The following ARMC2 variants were observed in gnomAD, a reference collection of about 807,000 sequenced individuals.
ARMC2 encodes armadillo repeat containing 2.
Under a neutral mutation model 90.3 loss-of-function variants are expected in ARMC2, and 67 were observed. That is an observed-to-expected ratio of 0.74 (90% CI 0.61 to 0.91). The LOEUF (loss-of-function observed/expected upper bound fraction) is 0.91. Among genes scored for constraint, ARMC2 ranks in the 40% least tolerant of loss-of-function variants. The pLI is 0.00. For missense variants in ARMC2, 920 were observed against 1,030.9 expected, an observed-to-expected ratio of 0.89 and a Z score of 1.47; for synonymous variants, 393 against 393.0, an observed-to-expected ratio of 1.00 and a Z score of 0.00.
At chr6:108,932,874 G>T (rs928944643) in intron 11 of ARMC2, among the ~76,000 whole-genome samples, 1 of 152,054 alleles carries the variant, frequency 6.6e-6, no homozygotes, top group Non-Finnish European at 1.5e-5. Context: ...TGTGGTTGTA[G>T]GTATGCAGCC....
At chr6:108,931,158 A>G (rs1484626754) in intron 11 of ARMC2, among the ~76,000 whole-genome samples, 4 of 151,862 alleles carry the variant, frequency 2.6e-5, no homozygotes, top group Non-Finnish European at 5.9e-5. Flanking sequence ...CCCACTTATA[A>G]GTGAGAACAT....
At chr6:108,977,340 G>A (rs1779002607), downstream of ARMC2, among the ~76,000 whole-genome samples, 1 of 152,196 alleles carries the variant, frequency 6.6e-6, no homozygotes, top group African/African-American at 2.4e-5. Context: ...GCATCCCAGA[G>A]GTGAAGCCAA....
chr6:108,869,996 C>G (rs1178180100), intron 4 of ARMC2, among the ~76,000 whole-genome samples: 1 of 152,166 alleles, frequency 6.6e-6, no homozygotes, highest in African/African-American at 2.4e-5. Flanking sequence ...AGAGACTTTA[C>G]TTCGGTCTTC....
At chr6:108,868,781 A>T (rs756932457) in intron 3 of ARMC2, 43 bp from the exon 4 acceptor site, 7 of 1,589,924 alleles carry the variant, frequency 4.4e-6, no homozygotes, top group Non-Finnish European at 6.0e-6. Context: ...GTTATTTGAG[A>T]CGCAGAAAGT....
intron 11 of ARMC2, among the ~76,000 whole-genome samples, chr6:108,928,983 TA>T (rs1562399794): frequency 1.3e-5 from 2 of 152,198 alleles, no homozygotes; most frequent in Non-Finnish European, 1.5e-5. Context: ...GATTTTTTTT[TA>T]AATGAATGTC....
At chr6:108,926,429 A>G (rs1399318086) in intron 10 of ARMC2, among the ~76,000 whole-genome samples, 1 of 152,196 alleles carries the variant, frequency 6.6e-6, no homozygotes, top group Non-Finnish European at 1.5e-5. Context: ...AGTCTTCACA[A>G]AAGATCTATT....
chr6:108,938,824 A>G (rs1383268147), intron 12 of ARMC2, among the ~76,000 whole-genome samples: 2 of 152,156 alleles, frequency 1.3e-5, no homozygotes, highest in African/African-American at 2.4e-5. Flanking sequence ...TTCTAGCATT[A>G]CTAATAGATA....
chr6:108,912,004 TTA>T (rs1458799526), intron 9 of ARMC2, among the ~76,000 whole-genome samples: 1 of 152,162 alleles, frequency 6.6e-6, no homozygotes, highest in African/African-American at 2.4e-5. Flanking sequence ...ATGTGTTAAA[TTA>T]TTAGTATTCT....
the ARMC2 span, among the ~76,000 whole-genome samples, chr6:108,980,923 C>T: frequency 6.6e-6 from 1 of 152,144 alleles, no homozygotes; most frequent in Non-Finnish European, 1.5e-5. Flanking sequence ...CCTACATTTC[C>T]AGGAACAAAT....
rs1778697901 is a variant in ARMC2, at chr6:108,970,551, G to A, written c.2447-2806G>A. Reference sequence around the variant, plus strand: ...CTCTCACTGTCGCCCAGGCTGGAGTGCAATGGCACGATCATGGCTCACTGC... The same window carrying A: ...CTCTCACTGTCGCCCAGGCTGGAGTACAATGGCACGATCATGGCTCACTGC... On this transcript the variant is annotated intron_variant, in intron 17 of 17. Transcript: ENST00000392644. Among the ~76,000 whole-genome samples, 4 of 138,422 alleles carry A rather than the reference G, an allele frequency of 2.9e-5. No individual in the cohort carries two copies. In the South Asian group the frequency reaches 9.1e-4, roughly 32 times the overall value. 90.8% of individuals were successfully genotyped at this position (138,422 alleles called of 152,430 possible).
the ARMC2 span, chr6:109,009,456 C>G: frequency 7.7e-7 from 1 of 1,306,556 alleles, no homozygotes; most frequent in Non-Finnish European, 9.8e-7. Context: ...GGCGGCCAAG[C>G]GCATGTCGGC....
intron 1 of ARMC2, among the ~76,000 whole-genome samples, chr6:108,850,823 T>C (rs2768543): frequency 0.77 from 117,785 of 152,090 alleles, 45,980 homozygotes; most frequent in South Asian, 0.85. Context: ...ACACCACATG[T>C]ACAGGGAATT....
At chr6:108,994,849 C>T in the ARMC2 span, among the ~76,000 whole-genome samples, 1 of 151,888 alleles carries the variant, frequency 6.6e-6, no homozygotes, top group African/African-American at 2.4e-5. Context: ...ACTACAGGTG[C>T]CTGCCACCAT....
the ARMC2 span, chr6:108,988,494 A>G: frequency 6.5e-7 from 1 of 1,527,076 alleles, no homozygotes; most frequent in South Asian, 1.3e-5. Context: ...GAAGGAGACT[A>G]CGAATCATTG....
the ARMC2 span, among the ~76,000 whole-genome samples, chr6:109,004,973 TATAGAGA>T: frequency 6.6e-6 from 1 of 152,042 alleles, no homozygotes; most frequent in African/African-American, 2.4e-5. Context: ...GAAAAAAGAG[TATAGAGA>T]ATATATTACT....
chr6:108,990,507 T>A, the ARMC2 span: 5 of 768,328 alleles, frequency 6.5e-6, no homozygotes, highest in African/African-American at 3.5e-5. Flanking sequence ...CTTTGAAGCA[T>A]AAATAGCATA....
chr6:108,904,659 A>G (rs935552161), intron 8 of ARMC2, among the ~76,000 whole-genome samples: 1 of 134,068 alleles, frequency 7.5e-6, no homozygotes, highest in African/African-American at 2.7e-5. Flanking sequence ...AAAAAAAAAA[A>G]AGAAGAAGAA....
intron 4 of ARMC2, 64 bp from the exon 5 acceptor site, chr6:108,876,079 T>C: frequency 7.9e-7 from 1 of 1,261,072 alleles, no homozygotes; most frequent in South Asian, 1.4e-5. Flanking sequence ...AAAAATAACA[T>C]TGAAAGGTAG....
chr6:109,004,014 T>C, the ARMC2 span, among the ~76,000 whole-genome samples: 1,932 of 152,300 alleles, frequency 0.013, 17 homozygotes, highest in Non-Finnish European at 0.021. Flanking sequence ...GACTTTAGTA[T>C]ACGAAAAGGT....
Sources: gnomAD v4.1 joint callset for allele counts (sites outside exome capture counted in the v4.1 genomes callset) on GRCh38, gnomAD v4.1.1 for gene constraint, MANE v1.5 for transcripts, NCBI Gene and HGNC (gene_info 2026-07-23, HGNC 2026-07-21) for gene names.